DCLK2: variants seen among roughly 807,000 people sequenced by gnomAD.
The protein encoded by DCLK2 is doublecortin like kinase 2.
A neutral mutation model predicts 78.4 loss-of-function variants in DCLK2; 31 were observed. The observed-to-expected ratio is 0.40, with a 90% CI of 0.30 to 0.53. DCLK2 has a LOEUF of 0.53. Among genes scored for constraint, DCLK2 ranks in the 20% least tolerant of loss-of-function variants. The probability of loss-of-function intolerance (pLI) is 0.61; values close to 1 mark genes in which losing one functional copy is unlikely to be tolerated. For synonymous variants in DCLK2, 407 were observed against 374.9 expected (o/e 1.09, Z -0.99); for missense variants, 872 against 973.7 (o/e 0.90, Z 1.39).
chr4:150,250,160 G>A (rs1743656045), intron 15 of DCLK2, among the ~76,000 whole-genome samples: 1 of 152,090 alleles, frequency 6.6e-6, no homozygotes, highest in Non-Finnish European at 1.5e-5. Context: ...ACAGTTTGGG[G>A]CTTTTAAAGG....
At chr4:150,160,758 A>G (rs1272377155) in intron 2 of DCLK2, among the ~76,000 whole-genome samples, 1 of 152,194 alleles carries the variant, frequency 6.6e-6, no homozygotes, top group Non-Finnish European at 1.5e-5. Context: ...GAGAGAAGGA[A>G]AAGAAAGGGC....
At chr4:150,179,618 A>G (rs1209139636) in intron 2 of DCLK2, among the ~76,000 whole-genome samples, 2 of 152,206 alleles carry the variant, frequency 1.3e-5, no homozygotes, top group African/African-American at 4.8e-5. Flanking sequence ...TGTACAGACA[A>G]TCAATTCCCG....
chr4:150,228,443 C>T (rs1741780753), intron 8 of DCLK2, among the ~76,000 whole-genome samples: 1 of 152,174 alleles, frequency 6.6e-6, no homozygotes, highest in Non-Finnish European at 1.5e-5. Context: ...TACTCCTTCA[C>T]GTGAACACTT....
intron 12 of DCLK2, among the ~76,000 whole-genome samples, chr4:150,243,448 A>C (rs957925160): frequency 1.3e-5 from 2 of 152,252 alleles, no homozygotes; most frequent in Non-Finnish European, 2.9e-5. Flanking sequence ...ACTATAATAC[A>C]GAAATGCATG....
chr4:150,099,983 T>A (rs1158442722), intron 1 of DCLK2, among the ~76,000 whole-genome samples: 2 of 152,090 alleles, frequency 1.3e-5, no homozygotes, highest in Non-Finnish European at 2.9e-5. Flanking sequence ...TGAGATTATA[T>A]CTCTCTGTAG....
intron 2 of DCLK2, among the ~76,000 whole-genome samples, chr4:150,161,043 G>T (rs1376894468): frequency 2.0e-5 from 3 of 152,042 alleles, no homozygotes; most frequent in Admixed American, 1.3e-4. Flanking sequence ...GTGTCAAAAA[G>T]AAATGACAAA....
chr4:150,104,786 T>A (rs577653956), intron 2 of DCLK2, among the ~76,000 whole-genome samples: 180 of 151,894 alleles, frequency 1.2e-3, no homozygotes, highest in Middle Eastern at 3.4e-3. Flanking sequence ...AAAAAAAAAA[T>A]TTCTATCTGA....
At chr4:150,132,414 G>T (rs1733382059) in intron 2 of DCLK2, among the ~76,000 whole-genome samples, 1 of 152,178 alleles carries the variant, frequency 6.6e-6, no homozygotes, top group Admixed American at 6.5e-5. Context: ...AGTGTAGAGA[G>T]GTTTCATTTT....
chr4:150,141,803 G>A (rs1455909680), intron 2 of DCLK2, among the ~76,000 whole-genome samples: 3 of 152,098 alleles, frequency 2.0e-5, no homozygotes, highest in Non-Finnish European at 4.4e-5. Flanking sequence ...ATATGTTTTT[G>A]TTTGTGTGGT....
At chr4:150,132,106 G>T (rs1354629320) in intron 2 of DCLK2, among the ~76,000 whole-genome samples, 1 of 151,688 alleles carries the variant, frequency 6.6e-6, no homozygotes, top group African/African-American at 2.4e-5. Flanking sequence ...TAGAAGGGCT[G>T]CCTTGCCTTT....
At position 150,175,010 on chromosome 4, in the gene DCLK2, AAATAT is replaced by A. The variant is rs1338121457; in HGVS notation, c.757-18126_757-18122del. 6.0e-3 allele frequency among the ~76,000 whole-genome samples: 151 copies of A among 25,190 alleles called. 43 individuals are homozygous for A. Among genetic ancestry groups the A allele is most frequent in the Non-Finnish European group, 0.012 (126 of 10,482 alleles). The allele number at this position is 25,190 out of a possible 152,430, so 16.5% of individuals were successfully genotyped here. ...GAGACTCCGTCGCAAAAAAAAAAAA[AAATAT>A]ATATATATATATATATATTTATATA... On this transcript the variant is annotated intron_variant, in intron 2 of 15. Transcript: ENST00000296550.
intron 1 of DCLK2, among the ~76,000 whole-genome samples, chr4:150,092,154 A>G (rs967716995): frequency 2.0e-5 from 3 of 152,088 alleles, no homozygotes; most frequent in African/African-American, 7.2e-5. Context: ...ATTTTTAAAG[A>G]CTGAATAATA....
chr4:150,232,491 C>G, intron 9 of DCLK2, 35 bp downstream of exon 9: 1 of 1,606,944 alleles, frequency 6.2e-7, no homozygotes, highest in Non-Finnish European at 8.5e-7. Flanking sequence ...GGTGCCTAGT[C>G]CCACAATTTA....
At chr4:150,232,623 C>G (rs540504315) in intron 9 of DCLK2, 59 bp from the exon 10 acceptor site, 2 of 1,577,550 alleles carry the variant, frequency 1.3e-6, no homozygotes, top group African/African-American at 1.3e-5. Context: ...AGCCATCTTT[C>G]TTACCTTCAT....
chr4:150,181,350 T>G (rs1246387839), intron 2 of DCLK2, among the ~76,000 whole-genome samples: 1 of 152,080 alleles, frequency 6.6e-6, no homozygotes, highest in East Asian at 1.9e-4. Context: ...GAATTAAGAC[T>G]GGGGGTAGGG....
chr4:150,190,248 T>TAGAC (rs1312809645), intron 2 of DCLK2, among the ~76,000 whole-genome samples: 11 of 69,860 alleles, frequency 1.6e-4, no homozygotes, highest in Admixed American at 1.1e-3. Context: ...GATAGATAGA[T>TAGAC]AGATAGATAG....
intron 1 of DCLK2, among the ~76,000 whole-genome samples, chr4:150,099,618 C>A (rs576200846): frequency 9.2e-5 from 14 of 152,246 alleles, no homozygotes; most frequent in African/African-American, 3.4e-4. Context: ...ATGTGCTGAA[C>A]CTATGTGCTG....
At chr4:150,129,366 G>C (rs1328605524) in intron 2 of DCLK2, among the ~76,000 whole-genome samples, 27 of 152,052 alleles carry the variant, frequency 1.8e-4, no homozygotes, top group Admixed American at 1.8e-3. Context: ...AAGTGAAAAT[G>C]CTTCTACGCT....
At chr4:150,098,884 C>T (rs549089402) in intron 1 of DCLK2, among the ~76,000 whole-genome samples, 56 of 151,914 alleles carry the variant, frequency 3.7e-4, no homozygotes, top group Admixed American at 7.9e-4. Flanking sequence ...TTAGCAGAGA[C>T]GGAGTTTCAC....
Sources: gnomAD v4.1 joint callset for allele counts (sites outside exome capture counted in the v4.1 genomes callset) on GRCh38, gnomAD v4.1.1 for gene constraint, MANE v1.5 for transcripts, NCBI Gene and HGNC (gene_info 2026-07-23, HGNC 2026-07-21) for gene names.